SDK1: variants seen among roughly 807,000 people sequenced by gnomAD.
SDK1 encodes protein sidekick-1.
In SDK1, 157 loss-of-function variants were observed where a neutral mutation model predicts 245.5. The ratio of observed to expected loss-of-function variants is 0.64; its 90% CI spans 0.56 to 0.73. The LOEUF is 0.73. SDK1 is among the 30% of genes least tolerant of loss of function. The probability of loss-of-function intolerance (pLI) is 0.00; values close to 1 mark genes in which losing one functional copy is unlikely to be tolerated. For synonymous variants in SDK1, 1,647 were observed against 1,278.5 expected (o/e 1.29, Z -6.15); for missense variants, 3,583 against 3,002.3 (o/e 1.19, Z -4.52).
chr7:4,038,340 G>A (rs556584719), intron 17 of SDK1, among the ~76,000 whole-genome samples: 96 of 152,180 alleles, frequency 6.3e-4, no homozygotes, highest in Non-Finnish European at 1.2e-3. Context: ...AACTCTTCAC[G>A]CCCAGAGTCT....
At chr7:4,196,715 G>A (rs1371888765) in intron 35 of SDK1, among the ~76,000 whole-genome samples, 2 of 152,206 alleles carry the variant, frequency 1.3e-5, no homozygotes, top group Admixed American at 6.5e-5. Flanking sequence ...CTGCTGACCT[G>A]CCCGTGGCCT....
At chr7:3,902,544 C>A (rs1255928867) in intron 5 of SDK1, among the ~76,000 whole-genome samples, 1 of 151,982 alleles carries the variant, frequency 6.6e-6, no homozygotes, top group South Asian at 2.1e-4. Context: ...TTTTTTTTTC[C>A]TCTTCCATTT....
chr7:3,471,141 A>T (rs1029773011), intron 1 of SDK1, among the ~76,000 whole-genome samples: 4 of 152,160 alleles, frequency 2.6e-5, no homozygotes, highest in African/African-American at 9.6e-5. Context: ...TTCCTTAATT[A>T]GTTTAGGAAA....
At chr7:4,137,311 CCTAAAACG>C (rs1253807226) in intron 28 of SDK1, among the ~76,000 whole-genome samples, 3 of 152,194 alleles carry the variant, frequency 2.0e-5, no homozygotes, top group Non-Finnish European at 4.4e-5. Flanking sequence ...TTTGCAGCCA[CCTAAAACG>C]TCCGGATAGA....
At chr7:3,653,888 T>C (rs1229623952) in intron 4 of SDK1, among the ~76,000 whole-genome samples, 2 of 152,192 alleles carry the variant, frequency 1.3e-5, no homozygotes, top group Non-Finnish European at 2.9e-5. Flanking sequence ...GAGGATGATC[T>C]CTTCCTCCTG....
At chr7:3,990,800 A>G (rs564137476) in intron 14 of SDK1, among the ~76,000 whole-genome samples, 4 of 152,342 alleles carry the variant, frequency 2.6e-5, no homozygotes, top group African/African-American at 7.2e-5. Context: ...AAACAGAGGC[A>G]TTCTACCTTC....
chr7:3,495,524 G>A lies in SDK1; in HGVS notation c.299-123556G>A, dbSNP rs559763535. On this transcript the variant is annotated intron_variant, in intron 1 of 44. Transcript: ENST00000404826. ...TCCTCCCGCCTCAGCCTCCCAAAGTGCTGGGATTACAGGCGTGAGCCACTG... is the reference window on the plus strand; with the variant it reads ...TCCTCCCGCCTCAGCCTCCCAAAGTACTGGGATTACAGGCGTGAGCCACTG... Among the ~76,000 whole-genome samples, 3 of 152,334 alleles carry A rather than the reference G, an allele frequency of 2.0e-5. No homozygotes were observed. In the South Asian group the frequency reaches 6.2e-4, roughly 32 times the overall value.
intron 5 of SDK1, among the ~76,000 whole-genome samples, chr7:3,892,601 C>T (rs1489433314): frequency 6.6e-6 from 1 of 152,218 alleles, no homozygotes; most frequent in African/African-American, 2.4e-5. Flanking sequence ...CAGTCTCTCA[C>T]AGGCATAGAT....
chr7:3,604,023 G>C (rs930078857), intron 1 of SDK1, among the ~76,000 whole-genome samples: 1 of 152,116 alleles, frequency 6.6e-6, no homozygotes, highest in Non-Finnish European at 1.5e-5. Flanking sequence ...TGCATCCCAG[G>C]GATGAAGCCC....
intron 1 of SDK1, among the ~76,000 whole-genome samples, chr7:3,453,278 C>T (rs963192464): frequency 9.9e-5 from 15 of 152,210 alleles, no homozygotes; most frequent in African/African-American, 3.6e-4. Flanking sequence ...TGAGGAACAT[C>T]ACTGGCTTGT....
At chr7:3,849,266 TC>T (rs1225213918) in intron 5 of SDK1, among the ~76,000 whole-genome samples, 7 of 152,160 alleles carry the variant, frequency 4.6e-5, no homozygotes, top group Admixed American at 3.3e-4. Context: ...ATGCACCCAC[TC>T]CTGGCTCATT....
intron 17 of SDK1, among the ~76,000 whole-genome samples, chr7:4,042,158 C>T (rs7786840): frequency 0.11 from 14,602 of 135,106 alleles, 4,825 homozygotes; most frequent in African/African-American, 0.39. Context: ...TTTATGGCTA[C>T]AAAAACTAAC....
At chr7:3,620,383 A>T (rs1034953013) in intron 2 of SDK1, among the ~76,000 whole-genome samples, 1 of 151,558 alleles carries the variant, frequency 6.6e-6, no homozygotes, top group Non-Finnish European at 1.5e-5. Flanking sequence ...GCTCACTGCA[A>T]CCTCCACCTT....
intron 4 of SDK1, among the ~76,000 whole-genome samples, chr7:3,750,164 ATTTG>A (rs1267705328): frequency 2.0e-5 from 3 of 152,196 alleles, no homozygotes; most frequent in Non-Finnish European, 4.4e-5. Context: ...ACTTCTTCGT[ATTTG>A]TTTATCATTG....
At chr7:3,470,340 A>T (rs1390884524) in intron 1 of SDK1, among the ~76,000 whole-genome samples, 1 of 152,162 alleles carries the variant, frequency 6.6e-6, no homozygotes, top group Non-Finnish European at 1.5e-5. Context: ...CCTCAGAGAT[A>T]GTCAAGGTAC....
chr7:3,986,894 G>A (rs775653215), intron 13 of SDK1, among the ~76,000 whole-genome samples: 4 of 152,224 alleles, frequency 2.6e-5, no homozygotes, highest in Middle Eastern at 3.4e-3. Flanking sequence ...ATGTGTAAAC[G>A]TCTGCGTCCC....
intron 28 of SDK1, among the ~76,000 whole-genome samples, chr7:4,139,422 T>C (rs1172079440): frequency 6.7e-6 from 1 of 149,904 alleles, no homozygotes; most frequent in African/African-American, 2.5e-5. Context: ...TATGTGTGTG[T>C]GTGTATGTAT....
intron 4 of SDK1, among the ~76,000 whole-genome samples, chr7:3,705,267 A>G (rs1386740905): frequency 6.6e-6 from 1 of 151,634 alleles, no homozygotes; most frequent in Non-Finnish European, 1.5e-5. Flanking sequence ...CAATCTGTAG[A>G]TTGTTTTGGA....
At chr7:3,952,058 C>T (rs1046620917) in intron 7 of SDK1, 138 bp downstream of exon 7, 33 of 733,838 alleles carry the variant, frequency 4.5e-5, no homozygotes, top group South Asian at 3.1e-4. Flanking sequence ...AGTTTACCTT[C>T]GAAATCCTTC....
Sources: gnomAD v4.1 joint callset for allele counts (sites outside exome capture counted in the v4.1 genomes callset) on GRCh38, gnomAD v4.1.1 for gene constraint, MANE v1.5 for transcripts, NCBI Gene and HGNC (gene_info 2026-07-23, HGNC 2026-07-21) for gene names.